Variants in SCRN1 observed in about 807,000 individuals in gnomAD.
SCRN1 encodes secernin 1.
A neutral mutation model predicts 43.3 loss-of-function variants in SCRN1; 19 were observed. The ratio of observed to expected loss-of-function variants is 0.44; its 90% CI spans 0.31 to 0.64. The LOEUF (loss-of-function observed/expected upper bound fraction) is 0.64. Ranked by LOEUF, SCRN1 falls within the 30% of genes least tolerant of loss-of-function variation. The pLI is 0.09. For missense variants in SCRN1, 447 were observed against 524.1 expected (o/e 0.85, Z 1.44); for synonymous variants, 183 against 188.9 (o/e 0.97, Z 0.26).
chr7:29,979,892 T>C (rs1462840957), intron 1 of SCRN1, among the ~76,000 whole-genome samples: 1 of 152,194 alleles, frequency 6.6e-6, no homozygotes, highest in Non-Finnish European at 1.5e-5. Context: ...TTCCTATACA[T>C]GGCAGGTTGG....
At chr7:29,978,224 G>C (rs899815606) in intron 1 of SCRN1, among the ~76,000 whole-genome samples, 1 of 152,198 alleles carries the variant, frequency 6.6e-6, no homozygotes, top group Non-Finnish European at 1.5e-5. Flanking sequence ...TGCTGCATTA[G>C]ATTGTGTTTT....
chr7:29,938,171 G>C (rs1787405174), intron 5 of SCRN1, among the ~76,000 whole-genome samples: 1 of 152,110 alleles, frequency 6.6e-6, no homozygotes, highest in African/African-American at 2.4e-5. Context: ...TGGGACTACA[G>C]GCATGCACCA....
At chr7:29,945,918 C>A (rs1022315086) in intron 3 of SCRN1, among the ~76,000 whole-genome samples, 1 of 152,102 alleles carries the variant, frequency 6.6e-6, no homozygotes, top group African/African-American at 2.4e-5. Flanking sequence ...GTGGTACAAG[C>A]CAGTTCTTGG....
intron 6 of SCRN1, among the ~76,000 whole-genome samples, chr7:29,934,526 C>T (rs567697238): frequency 1.3e-4 from 20 of 152,314 alleles, no homozygotes; most frequent in African/African-American, 4.6e-4. Context: ...TCCATATGTA[C>T]CCCTGTCATC....
chr7:29,936,466 G>A, intron 6 of SCRN1, 90 bp downstream of exon 6: 1 of 1,194,580 alleles, frequency 8.4e-7, no homozygotes, highest in Non-Finnish European at 1.1e-6. Context: ...CCAAGGGGAG[G>A]ACATGGTCAG....
chr7:29,967,496 T>TG (rs1788536120), intron 2 of SCRN1, among the ~76,000 whole-genome samples: 1 of 151,914 alleles, frequency 6.6e-6, no homozygotes, highest in African/African-American at 2.4e-5. Context: ...CCAGGGTAGC[T>TG]GGGACTACAG....
chr7:29,952,714 G>C (rs1188752460), intron 3 of SCRN1, among the ~76,000 whole-genome samples: 1 of 144,330 alleles, frequency 6.9e-6, no homozygotes, highest in Non-Finnish European at 1.5e-5. Context: ...GAGAGAGAAT[G>C]CTGGGTAATG....
intron 2 of SCRN1, among the ~76,000 whole-genome samples, chr7:29,967,354 T>C (rs1029158148): frequency 6.6e-6 from 1 of 152,144 alleles, no homozygotes; most frequent in African/African-American, 2.4e-5. Context: ...CTTGAGTTGT[T>C]GTTTTTAGAA....
In SCRN1 at chr7:29,923,128, T is replaced by C. The variant is rs575041839; in HGVS notation, c.*829A>G. 6.6e-6 allele frequency: 1 copy of C among 152,412 alleles called. No homozygotes were observed. The highest frequency in any genetic ancestry group is 1.5e-5 in the Non-Finnish European group (1 of 68,082). The allele number at this position is 152,412 out of a possible 1,614,324, so 9.4% of individuals were successfully genotyped here. The stretch of plus-strand genomic sequence containing the variant: ...TGGTAACTAGACTGGGAATCATTTC[T>C]ACACAAGGAATCCTGTGATGGCTGT... On this transcript the variant is annotated 3_prime_UTR_variant, in exon 8 of 8. Coordinates refer to ENST00000242059, the MANE Select transcript of SCRN1 (RefSeq NM_014766.5).
chr7:29,965,762 T>C lies in SCRN1; in HGVS notation c.159+3147A>G, dbSNP rs1416786175. Among the ~76,000 whole-genome samples the C allele has an allele frequency of 6.6e-6, 1 of 152,114 alleles. No homozygotes were observed. The highest frequency in any genetic ancestry group is 1.5e-5 in the Non-Finnish European group (1 of 68,024). ...GGAAGGGGACAGGATTTAACCTAAATATATCTGAGTAATCATATACCATAG... is the reference window on the plus strand; with the variant it reads ...GGAAGGGGACAGGATTTAACCTAAACATATCTGAGTAATCATATACCATAG... On this transcript the variant is annotated intron_variant, in intron 2 of 7. Transcript: ENST00000242059. The surrounding 1 kb of genome is among the most constrained non-coding windows in gnomAD (Gnocchi z 4.2).
intron 6 of SCRN1, among the ~76,000 whole-genome samples, chr7:29,935,019 C>T (rs909845604): frequency 2.6e-4 from 40 of 152,346 alleles, no homozygotes; most frequent in Admixed American, 2.6e-3. Context: ...ATTCTTCTCA[C>T]AATGCCCAGT....
intron 3 of SCRN1, among the ~76,000 whole-genome samples, chr7:29,952,232 C>T (rs755040517): frequency 2.6e-5 from 4 of 152,178 alleles, no homozygotes; most frequent in Non-Finnish European, 5.9e-5. Flanking sequence ...AAATAGGGAC[C>T]GACAATTTAC....
chr7:29,962,709 A>C (rs181820497), intron 2 of SCRN1, among the ~76,000 whole-genome samples: 4 of 147,488 alleles, frequency 2.7e-5, no homozygotes, highest in South Asian at 2.1e-4. Context: ...AATAAAATAA[A>C]ATAACATAAA....
At chr7:29,972,609 T>G (rs1188997813) in intron 1 of SCRN1, among the ~76,000 whole-genome samples, 3 of 152,200 alleles carry the variant, frequency 2.0e-5, no homozygotes, top group Non-Finnish European at 4.4e-5. Context: ...AATTTCAAAG[T>G]CTGTTTTAAG....
chr7:29,926,694 CTG>C, intron 6 of SCRN1, 62 bp from the exon 7 acceptor site: 1 of 1,413,802 alleles, frequency 7.1e-7, no homozygotes, highest in South Asian at 1.2e-5. Context: ...CACCCAGAGA[CTG>C]TCCTTTTATT....
intron 5 of SCRN1, 59 bp from the exon 6 acceptor site, chr7:29,936,780 C>T (rs1333340482): frequency 2.2e-6 from 3 of 1,378,512 alleles, no homozygotes; most frequent in Non-Finnish European, 2.9e-6. Context: ...GGCGCGGTGG[C>T]TCACGCCTGT....
intron 6 of SCRN1, among the ~76,000 whole-genome samples, chr7:29,931,370 T>C (rs986333648): frequency 6.6e-6 from 1 of 152,190 alleles, no homozygotes; most frequent in African/African-American, 2.4e-5. Flanking sequence ...GTACTAGGGA[T>C]ACAGCAGTGA....
At chr7:29,952,280 C>A (rs2128093239) in intron 3 of SCRN1, among the ~76,000 whole-genome samples, 1 of 152,310 alleles carries the variant, frequency 6.6e-6, no homozygotes, top group South Asian at 2.1e-4. Context: ...TGTTCACCAG[C>A]CATACTTTGA....
At chr7:29,969,136 A>C in intron 1 of SCRN1, 68 bp from the exon 2 acceptor site, 1 of 1,541,812 alleles carries the variant, frequency 6.5e-7, no homozygotes, top group Non-Finnish European at 8.8e-7. Flanking sequence ...TGAGTTCTTC[A>C]AACATATTTC....
Sources: allele counts gnomAD v4.1 joint callset (sites outside exome capture counted in the v4.1 genomes callset), GRCh38; gene constraint gnomAD v4.1.1; non-coding constraint Gnocchi (gnomAD v3.1); transcripts MANE v1.5; gene names NCBI Gene and HGNC (gene_info 2026-07-23, HGNC 2026-07-21).